Variants in GVQW3 observed in about 807,000 individuals in gnomAD.
GVQW3 encodes GVQW motif containing 3, also known as protein GVQW3.
Under a neutral mutation model 12.5 loss-of-function variants are expected in GVQW3, and 7 were observed. The observed-to-expected ratio is 0.56, with a 90% confidence interval of 0.32 to 1.05. The LOEUF is 1.05. GVQW3 is among the 50% of genes least tolerant of loss of function. The pLI, the probability that GVQW3 is intolerant of heterozygous loss-of-function variation, is 0.04. For missense variants in GVQW3, 188 were observed against 190.8 expected, an observed-to-expected ratio of 0.99 and a Z score of 0.09; for synonymous variants, 71 against 67.2, an observed-to-expected ratio of 1.06 and a Z score of -0.28.
At chr11:76,414,329 C>T (rs4944109) in exon 2 of GVQW3, 148,064 of 152,110 alleles carry the variant, frequency 0.97, 72,123 homozygotes, top group Admixed American at 0.99. Context: ...CCCCTCTCTC[C>T]GTGAACCAGT....
At chr11:76,393,626 C>T (rs1258906500) in intron 1 of GVQW3, among the ~76,000 whole-genome samples, 1 of 152,110 alleles carries the variant, frequency 6.6e-6, no homozygotes, top group Non-Finnish European at 1.5e-5. Flanking sequence ...TCAGCCTCAC[C>T]ATTGCTGTTC....
At chr11:76,389,726 T>G (rs1210174465) in intron 1 of GVQW3, 3 of 152,232 alleles carry the variant, frequency 2.0e-5, no homozygotes, top group Non-Finnish European at 2.9e-5. Context: ...AAATGAATTA[T>G]CAAGATGGAT....
At position 76,407,630 on chromosome 11, in the gene GVQW3, C is replaced by T. The variant is rs1363724809; in HGVS notation, c.*3872C>T. Reference sequence around the variant, plus strand: ...AATTTAAGCCAGTTGACCTAGGAATCTTCTAGGACGATTTCTTAGGAATCT... The same window carrying T: ...AATTTAAGCCAGTTGACCTAGGAATTTTCTAGGACGATTTCTTAGGAATCT... On this transcript the variant is annotated 3_prime_UTR_variant, in exon 2 of 2. Transcript: ENST00000529331. 6.9e-6 allele frequency: 1 copy of T among 144,462 alleles called. No individual in the cohort carries two copies. 8.9% of individuals were successfully genotyped at this position (144,462 alleles called of 1,614,324 possible). A position where few individuals can be genotyped will look rare whatever the true frequency, so the allele number is the denominator to read the frequency against.
At chr11:76,382,607 A>G in intron 1 of GVQW3, 4 of 540,316 alleles carry the variant, frequency 7.4e-6, no homozygotes, top group Admixed American at 3.4e-5. Flanking sequence ...CTCTTGGACC[A>G]TTTTCCTTGC....
chr11:76,389,380 A>G (rs1946869117), intron 1 of GVQW3, among the ~76,000 whole-genome samples: 1 of 152,120 alleles, frequency 6.6e-6, no homozygotes, highest in Non-Finnish European at 1.5e-5. Flanking sequence ...GGCAGTGGAG[A>G]GATTGAGGCC....
intron 1 of GVQW3, among the ~76,000 whole-genome samples, chr11:76,393,083 T>C (rs1246875623): frequency 6.6e-6 from 1 of 152,202 alleles, no homozygotes; most frequent in Non-Finnish European, 1.5e-5. Flanking sequence ...CCATGACATT[T>C]CCATGGTAAC....
chr11:76,396,611 G>A (rs907840920), intron 1 of GVQW3, among the ~76,000 whole-genome samples: 3 of 152,014 alleles, frequency 2.0e-5, no homozygotes, highest in African/African-American at 7.3e-5. Context: ...CACCATGCCT[G>A]GGCTCAAATT....
intron 1 of GVQW3, among the ~76,000 whole-genome samples, chr11:76,401,457 T>G (rs920111440): frequency 6.6e-6 from 1 of 152,306 alleles, no homozygotes; most frequent in Non-Finnish European, 1.5e-5. Flanking sequence ...CTATGAATTT[T>G]AATGATCTGG....
At chr11:76,387,955 G>A (rs1294047690) in intron 1 of GVQW3, among the ~76,000 whole-genome samples, 1 of 152,062 alleles carries the variant, frequency 6.6e-6, no homozygotes, top group Non-Finnish European at 1.5e-5. Flanking sequence ...AATATTGGAG[G>A]GACTCTGTGG....
chr11:76,396,670 G>T (rs899104418), intron 1 of GVQW3, among the ~76,000 whole-genome samples: 4 of 152,142 alleles, frequency 2.6e-5, no homozygotes, highest in South Asian at 2.1e-4. Flanking sequence ...CCTGCATACC[G>T]GCTTCGTTGC....
chr11:76,409,156 G>T (rs965493714), downstream of GVQW3, among the ~76,000 whole-genome samples: 75 of 152,058 alleles, frequency 4.9e-4, no homozygotes, highest in Non-Finnish European at 9.6e-4. Flanking sequence ...GCCTCCTGTT[G>T]TTTATTTATT....
intron 1 of GVQW3, among the ~76,000 whole-genome samples, chr11:76,396,438 C>T (rs939718073): frequency 3.3e-5 from 5 of 152,006 alleles, no homozygotes; most frequent in Non-Finnish European, 4.4e-5. Context: ...CCACAGCCCC[C>T]GAAGTAGCTG....
Position 76,385,985 on chromosome 11 carries a change from A to G in GVQW3, c.465+3692A>G, listed in dbSNP as rs762857938. 3.9e-5 allele frequency among the ~76,000 whole-genome samples: 6 copies of G among 152,266 alleles called. No individual in the cohort carries two copies. The East Asian group carries it at 7.7e-4, about 20-fold the overall frequency. ...GCAGGAGAAACTCCACCTAACCACA[A>G]TAGATCAAGCCTGGCTTTCTGTGGG... On this transcript the variant is annotated intron_variant, in intron 1 of 1. Coordinates refer to ENST00000529331, the MANE Select transcript of GVQW3 (RefSeq NM_001347885.2).
downstream of GVQW3, chr11:76,410,994 A>G (rs1475640169): frequency 1.3e-5 from 2 of 152,226 alleles, no homozygotes; most frequent in Admixed American, 6.5e-5. Flanking sequence ...ACTGGCACCA[A>G]TTAAAGACAT....
chr11:76,412,226 G>A (rs1341471973), downstream of GVQW3: 5 of 152,246 alleles, frequency 3.3e-5, no homozygotes, highest in African/African-American at 1.2e-4. Flanking sequence ...GAGAAACAGA[G>A]CTGGGCATAA....
At chr11:76,388,053 C>G in intron 1 of GVQW3, among the ~76,000 whole-genome samples, 1 of 152,262 alleles carries the variant, frequency 6.6e-6, no homozygotes, top group East Asian at 1.9e-4. Flanking sequence ...CTGTTTTTGA[C>G]TAAAAATGAT....
chr11:76,381,527 A>G lies in GVQW3; in HGVS notation c.-302A>G, dbSNP rs1457761573. On this transcript the variant is annotated 5_prime_UTR_variant, in exon 1 of 2. Transcript: ENST00000529331. The stretch of plus-strand genomic sequence containing the variant: ...CCTTAAGGGCCGCGGAATCGGAGCG[A>G]CCTTGGTGACTGGCAAACTCTCGGC... The G allele has an allele frequency of 9.6e-6, 3 of 313,696 alleles. No individual in the cohort carries two copies. The highest frequency in any genetic ancestry group is 1.8e-5 in the Non-Finnish European group (3 of 169,402). The allele number at this position is 313,696 out of a possible 1,614,324, so 19.4% of individuals were successfully genotyped here. A position where few individuals can be genotyped will look rare whatever the true frequency, so the allele number is the denominator to read the frequency against.
At chr11:76,382,712 G>A in intron 1 of GVQW3, 1 of 419,940 alleles carries the variant, frequency 2.4e-6, no homozygotes, top group South Asian at 4.3e-5. Flanking sequence ...TTTCTTCTCT[G>A]CCCAGACCTT....
At position 76,405,324 on chromosome 11, in the gene GVQW3, G is replaced by C. The variant is rs935067463; in HGVS notation, c.*1566G>C. On this transcript the variant is annotated 3_prime_UTR_variant, in exon 2 of 2. Transcript: ENST00000529331. ...TTTGGGTAGCCAGTCAACAGGGTCT[G>C]CCATGTGCATAGAAAGCACAGTATG... 6.6e-6 allele frequency: 1 copy of C among 152,264 alleles called. No homozygotes were observed. Among genetic ancestry groups the C allele is most frequent in the African/African-American group, 2.4e-5 (1 of 41,460 alleles). The allele number at this position is 152,264 out of a possible 1,614,324, so 9.4% of individuals were successfully genotyped here. A position where few individuals can be genotyped will look rare whatever the true frequency, so the allele number is the denominator to read the frequency against.
Sources: allele counts gnomAD v4.1 joint callset (sites outside exome capture counted in the v4.1 genomes callset), GRCh38; gene constraint gnomAD v4.1.1; transcripts MANE v1.5; gene names NCBI Gene and HGNC (gene_info 2026-07-23, HGNC 2026-07-21).